PI4KB: variants seen among roughly 807,000 people sequenced by gnomAD.
PI4KB encodes phosphatidylinositol 4-kinase beta.
Under a neutral mutation model 81.4 loss-of-function variants are expected in PI4KB, and 23 were observed. The ratio of observed to expected loss-of-function variants is 0.28; its 90% CI spans 0.20 to 0.40. The LOEUF is 0.40. Ranked by LOEUF, PI4KB falls within the 10% of genes least tolerant of loss-of-function variation. The probability of loss-of-function intolerance (pLI) is 1.00; values close to 1 mark genes in which losing one functional copy is unlikely to be tolerated. For synonymous variants in PI4KB, 381 were observed against 406.8 expected, an observed-to-expected ratio of 0.94 and a Z score of 0.76; for missense variants, 651 against 1,036.6, an observed-to-expected ratio of 0.63 and a Z score of 5.11.
Position 151,315,927 on chromosome 1 carries a change from G to A in PI4KB, c.555C>T (p.His185=). ...YLPQLLNMYI[H]MDEDVGDAIK... ...TGGCATCACCCACGTCCTCATCCAT[G>A]TGGATGTACATGTTAAGCAACTGGG... Residue 185 remains histidine (H), a synonymous_variant, in exon 2 of 12, where the codon CAC becomes CAT. Coordinates refer to ENST00000368873, the MANE Select transcript of PI4KB (RefSeq NM_001369623.2). The A allele has an allele frequency of 6.2e-7, 1 of 1,613,836 alleles. No individual in the cohort carries two copies. The highest frequency in any genetic ancestry group is 1.1e-5 in the South Asian group (1 of 91,050).
chr1:151,293,422 C>G (rs1244580482), intron 11 of PI4KB: 5 of 1,269,736 alleles, frequency 3.9e-6, no homozygotes, highest in African/African-American at 1.6e-5. Context: ...CCACCGTCAT[C>G]ATGGGGCCAG....
At chr1:151,311,780 C>T (rs1053952284) in intron 2 of PI4KB, among the ~76,000 whole-genome samples, 2 of 152,144 alleles carry the variant, frequency 1.3e-5, no homozygotes, top group African/African-American at 2.4e-5. Flanking sequence ...GAGTCAGCTC[C>T]GGGGAGTAAA....
intron 1 of PI4KB, among the ~76,000 whole-genome samples, chr1:151,320,115 G>A (rs1260180183): frequency 1.3e-5 from 2 of 152,176 alleles, no homozygotes; most frequent in Admixed American, 6.5e-5. Flanking sequence ...CTCACTGCAA[G>A]CTCCGCTTCC....
At position 151,291,897 on chromosome 1, in the gene PI4KB, G is replaced by A. The variant is rs1223195328; in HGVS notation, c.*955C>T. 4 of 152,332 alleles carry A rather than the reference G, an allele frequency of 2.6e-5. No individual in the cohort carries two copies. Among genetic ancestry groups the A allele is most frequent in the Non-Finnish European group, 2.9e-5 (2 of 68,032 alleles). 9.4% of individuals were successfully genotyped at this position (152,332 alleles called of 1,614,324 possible). A position where few individuals can be genotyped will look rare whatever the true frequency, so the allele number is the denominator to read the frequency against. Reference sequence around the variant, plus strand: ...CAGACCATTAAAACTGTTTGTGGTCGAATCTCCATTCAGGCCTCTCTTTTT... The same window carrying A: ...CAGACCATTAAAACTGTTTGTGGTCAAATCTCCATTCAGGCCTCTCTTTTT... On this transcript the variant is annotated 3_prime_UTR_variant, in exon 12 of 12. Coordinates refer to ENST00000368873, the MANE Select transcript of PI4KB (RefSeq NM_001369623.2).
chr1:151,306,542 A>G (rs587735038), intron 4 of PI4KB, 179 bp from the exon 5 acceptor site: 1 of 597,468 alleles, frequency 1.7e-6, no homozygotes, highest in South Asian at 2.0e-5. Context: ...TCACCTATGT[A>G]AAGAATTTGT....
intron 11 of PI4KB, chr1:151,293,690 C>G (rs1018143053): frequency 3.1e-6 from 1 of 326,624 alleles, no homozygotes; most frequent in Non-Finnish European, 5.8e-6. Context: ...ATGGAGAAGA[C>G]AGATGGAAGG....
chr1:151,304,964 G>A (rs587758793), intron 5 of PI4KB, among the ~76,000 whole-genome samples: 58 of 152,166 alleles, frequency 3.8e-4, no homozygotes, highest in African/African-American at 1.3e-3. Context: ...CGATTAGCTG[G>A]GATTACAGGC....
intron 11 of PI4KB, 62 bp from the exon 12 acceptor site, chr1:151,293,095 T>C (rs906823994): frequency 1.7e-5 from 27 of 1,586,864 alleles, no homozygotes; most frequent in East Asian, 2.2e-5. Flanking sequence ...GTGTCAGCCA[T>C]AGCAAATACA....
intron 6 of PI4KB, among the ~76,000 whole-genome samples, chr1:151,302,602 G>A: frequency 7.3e-6 from 1 of 137,338 alleles, no homozygotes; most frequent in Non-Finnish European, 1.5e-5. Flanking sequence ...TTTGAGATAA[G>A]AATCTCGCTG....
At position 151,298,916 on chromosome 1, in the gene PI4KB, T is replaced by C. The variant is rs1310566755; in HGVS notation, c.1907A>G (p.Gln636Arg). ...SQLSLLDYFLQEHGSYTTEAF... is the reference protein window; with the variant it reads ...SQLSLLDYFLREHGSYTTEAF... ...CTCAGTGGTGTAACTGCCGTGCTCCTGTAGGAAGTAATCGAGCAAGGAGAG... is the reference window on the plus strand; with the variant it reads ...CTCAGTGGTGTAACTGCCGTGCTCCCGTAGGAAGTAATCGAGCAAGGAGAG... Residue 636 changes from glutamine (Q) to arginine (R), a missense_variant, in exon 9 of 12, where the codon CAG becomes CGG. Around this residue, in one of 5 missense-constraint regions of PI4KB, gnomAD observed 246 missense variants for 430.1 expected, o/e 0.57. Transcript: ENST00000368873. 1 of 1,614,066 alleles carries C rather than the reference T, an allele frequency of 6.2e-7. No homozygotes were observed. The highest frequency in any genetic ancestry group is 1.3e-5 in the African/African-American group (1 of 74,938).
intron 11 of PI4KB, 99 bp from the exon 12 acceptor site, chr1:151,293,132 T>A (rs759876909): frequency 5.2e-6 from 8 of 1,535,328 alleles, no homozygotes; most frequent in African/African-American, 1.4e-5. Flanking sequence ...AGTGCCCTTT[T>A]CCTCCCACCT....
At chr1:151,320,795 T>C (rs1045783529) in intron 1 of PI4KB, among the ~76,000 whole-genome samples, 2 of 152,246 alleles carry the variant, frequency 1.3e-5, no homozygotes, top group Non-Finnish European at 2.9e-5. Context: ...CTCAATCATC[T>C]TAAACAATCA....
rs375588593 is a variant in PI4KB, at chr1:151,305,177, G to A, written c.1410+959C>T. On this transcript the variant is annotated intron_variant, in intron 5 of 11. Transcript: ENST00000368873. ...GATGGAGTTTCACCTTGTTGGCCAG[G>A]CTGGTCTCGAAATCCTGACTTCAAG... Among the ~76,000 whole-genome samples, 7 of 152,262 alleles carry A rather than the reference G, an allele frequency of 4.6e-5. No homozygotes were observed. In the South Asian group the frequency reaches 6.2e-4, roughly 14 times the overall value.
chr1:151,312,802 C>T (rs587629965), intron 2 of PI4KB, among the ~76,000 whole-genome samples: 26 of 152,244 alleles, frequency 1.7e-4, no homozygotes, highest in African/African-American at 6.3e-4. Context: ...TGACTTGAAG[C>T]CAGGAGTTTG....
chr1:151,306,847 C>G (rs192154135), intron 4 of PI4KB, among the ~76,000 whole-genome samples: 1 of 152,108 alleles, frequency 6.6e-6, no homozygotes, highest in Non-Finnish European at 1.5e-5. Flanking sequence ...GGGGCCGAGG[C>G]GGGTGGATCA....
At chr1:151,293,638 TGAA>T in intron 11 of PI4KB, 1 of 312,326 alleles carries the variant, frequency 3.2e-6, no homozygotes, top group South Asian at 2.7e-5. Context: ...TTCTCAGAGC[TGAA>T]GGGTGGCAGA....
Position 151,292,073 on chromosome 1 carries a change from C to T in PI4KB, c.*779G>A, listed in dbSNP as rs187452819. 6.6e-6 allele frequency: 1 copy of T among 152,410 alleles called. No individual in the cohort carries two copies. The highest frequency in any genetic ancestry group is 2.4e-5 in the African/African-American group (1 of 41,552). The allele number at this position is 152,410 out of a possible 1,614,324, so 9.4% of individuals were successfully genotyped here. A position where few individuals can be genotyped will look rare whatever the true frequency, so the allele number is the denominator to read the frequency against. On this transcript the variant is annotated 3_prime_UTR_variant, in exon 12 of 12. Transcript: ENST00000368873. ...TATCTTGGACACTGAGGCATCCGTT[C>T]ATACCTCATCACCCATCTCCCCCTG...
intron 1 of PI4KB, among the ~76,000 whole-genome samples, chr1:151,323,823 T>C (rs1649212781): frequency 6.6e-6 from 1 of 151,776 alleles, no homozygotes; most frequent in African/African-American, 2.4e-5. Context: ...TTCAGAACAC[T>C]GAGATAATTA....
At chr1:151,299,550 C>T (rs1185451038) in intron 8 of PI4KB, among the ~76,000 whole-genome samples, 2 of 151,830 alleles carry the variant, frequency 1.3e-5, no homozygotes, top group African/African-American at 4.8e-5. Flanking sequence ...ATTAGCCAGG[C>T]GTGGTGGTGT....
Sources: gnomAD v4.1 joint callset for allele counts (sites outside exome capture counted in the v4.1 genomes callset) on GRCh38, gnomAD v4.1.1 for gene constraint, gnomAD v4.1.1 regional missense constraint, MANE v1.5 for transcripts, NCBI Gene and HGNC (gene_info 2026-07-23, HGNC 2026-07-21) for gene names.